Variants in PRKCE observed in about 807,000 individuals in gnomAD.
PRKCE encodes the protein protein kinase C epsilon type.
In PRKCE, 16 loss-of-function variants were observed where a neutral mutation model predicts 85.4. The ratio of observed to expected loss-of-function variants is 0.19; its 90% CI spans 0.13 to 0.28. PRKCE has a LOEUF of 0.28. Ranked by LOEUF, PRKCE falls within the 10% of genes least tolerant of loss-of-function variation. The pLI, the probability that PRKCE is intolerant of heterozygous loss-of-function variation, is 1.00. For missense variants in PRKCE, 573 were observed against 975.2 expected (o/e 0.59, Z 5.49); for synonymous variants, 388 against 371.5 (o/e 1.04, Z -0.51).
At chr2:45,912,477 G>A (rs564313194) in intron 2 of PRKCE, among the ~76,000 whole-genome samples, 40 of 152,260 alleles carry the variant, frequency 2.6e-4, no homozygotes, top group African/African-American at 7.2e-4. Context: ...GGAGTGGGTG[G>A]GGGCTGGGGT....
chr2:45,959,295 G>A (rs1467284402), intron 2 of PRKCE, among the ~76,000 whole-genome samples: 1 of 152,030 alleles, frequency 6.6e-6, no homozygotes, highest in African/African-American at 2.4e-5. Flanking sequence ...ACGCCTTTTT[G>A]AACACTGCAA....
intron 11 of PRKCE, among the ~76,000 whole-genome samples, chr2:46,089,425 C>T (rs1669951501): frequency 6.6e-6 from 1 of 152,206 alleles, no homozygotes; most frequent in South Asian, 2.1e-4. Flanking sequence ...TCTTCACTAG[C>T]TCACTGCCCC....
chr2:45,990,344 G>A (rs528021894), intron 6 of PRKCE, among the ~76,000 whole-genome samples: 5 of 152,338 alleles, frequency 3.3e-5, no homozygotes, highest in South Asian at 2.1e-4. Context: ...GAGGCAATGG[G>A]ACATCTTATC....
chr2:46,086,573 G>C (rs934280746), intron 11 of PRKCE, among the ~76,000 whole-genome samples: 1 of 152,170 alleles, frequency 6.6e-6, no homozygotes, highest in Non-Finnish European at 1.5e-5. Context: ...TTGACCCACT[G>C]TTTGTGCCAG....
At chr2:46,015,901 C>T (rs536260049) in intron 10 of PRKCE, among the ~76,000 whole-genome samples, 255 of 152,198 alleles carry the variant, frequency 1.7e-3, no homozygotes, top group Non-Finnish European at 2.6e-3. Flanking sequence ...GAGTGCTTTT[C>T]GAGAAGAGAT....
chr2:45,794,232 A>C (rs1687244803), intron 1 of PRKCE, among the ~76,000 whole-genome samples: 1 of 152,276 alleles, frequency 6.6e-6, no homozygotes, highest in South Asian at 2.1e-4. Context: ...CGACGTTTTA[A>C]AAAGCGATTG....
At chr2:45,819,245 G>A (rs566607181) in intron 1 of PRKCE, among the ~76,000 whole-genome samples, 2 of 152,206 alleles carry the variant, frequency 1.3e-5, no homozygotes, top group South Asian at 4.1e-4. Context: ...CAGATCAAGA[G>A]TGAGGCACAC....
At chr2:45,772,178 C>T (rs1018904462) in intron 1 of PRKCE, among the ~76,000 whole-genome samples, 1 of 151,692 alleles carries the variant, frequency 6.6e-6, no homozygotes, top group Non-Finnish European at 1.5e-5. Flanking sequence ...TGTGTTTCTT[C>T]TTCATAAAGC....
At chr2:45,991,184 T>C (rs1036559226) in intron 6 of PRKCE, among the ~76,000 whole-genome samples, 1 of 151,722 alleles carries the variant, frequency 6.6e-6, no homozygotes, top group Admixed American at 6.6e-5. Context: ...TTTTTACATT[T>C]TTAGTAGAGA....
intron 1 of PRKCE, among the ~76,000 whole-genome samples, chr2:45,659,273 A>T (rs1403764896): frequency 6.6e-6 from 1 of 152,216 alleles, no homozygotes; most frequent in Non-Finnish European, 1.5e-5. Flanking sequence ...TACCCAGCCA[A>T]AAACCTTGAG....
At chr2:46,135,638 T>A (rs914672587) in intron 11 of PRKCE, among the ~76,000 whole-genome samples, 10 of 151,948 alleles carry the variant, frequency 6.6e-5, no homozygotes, top group African/African-American at 2.4e-4. Context: ...TTGGAGAGAT[T>A]TTCCCTGGAG....
chr2:45,766,875 A>G (rs989967230), intron 1 of PRKCE, among the ~76,000 whole-genome samples: 2 of 152,126 alleles, frequency 1.3e-5, no homozygotes, highest in African/African-American at 2.4e-5. Context: ...CCCCATCTCT[A>G]CTAAAATACA....
chr2:46,187,542 C>G lies in PRKCE; in HGVS notation c.*2661C>G, dbSNP rs576330449. 1 of 152,310 alleles carries G rather than the reference C, an allele frequency of 6.6e-6. No homozygotes were observed. Among genetic ancestry groups the G allele is most frequent in the Non-Finnish European group, 1.5e-5 (1 of 68,002 alleles). The allele number at this position is 152,310 out of a possible 1,614,324, so 9.4% of individuals were successfully genotyped here. On this transcript the variant is annotated 3_prime_UTR_variant, in exon 15 of 15. Transcript: ENST00000306156. ...TTTTCTGATCTTTCCAGCCCCACCCCCTTTCTCTTTCTCTCTCTCTCTCAA... is the reference window on the plus strand; with the variant it reads ...TTTTCTGATCTTTCCAGCCCCACCCGCTTTCTCTTTCTCTCTCTCTCTCAA...
intron 11 of PRKCE, among the ~76,000 whole-genome samples, chr2:46,091,689 A>G (rs1670184340): frequency 6.6e-6 from 1 of 152,176 alleles, no homozygotes; most frequent in Admixed American, 6.5e-5. Context: ...GGATTTCATG[A>G]GTGAATAGGT....
chr2:46,054,334 G>A (rs1391301440), intron 10 of PRKCE, among the ~76,000 whole-genome samples: 4 of 152,194 alleles, frequency 2.6e-5, no homozygotes, highest in African/African-American at 9.7e-5. Context: ...TTTGATAACT[G>A]AGGAAACTAA....
rs1680325789 is a variant in PRKCE, at chr2:46,184,675, TG to T, written c.2068-54del. 5 of 1,577,428 alleles carry T rather than the reference TG, an allele frequency of 3.2e-6. No individual in the cohort carries two copies. Among genetic ancestry groups the T allele is most frequent in the Middle Eastern group, 1.7e-4 (1 of 5,944 alleles). On this transcript the variant is annotated intron_variant, in intron 14 of 14. Coordinates refer to ENST00000306156, the MANE Select transcript of PRKCE (RefSeq NM_005400.3). This position sits in a 1 kb window ranked among gnomAD's most constrained non-coding sequence, Gnocchi z 5.0. ...TGGTCAGTGCGGTGCCCACTCCCCA[TG>T]GGGGGCCCTCAGGAGGGAGAGCAGC...
chr2:45,893,881 C>T (rs1695929185), intron 2 of PRKCE, among the ~76,000 whole-genome samples: 1 of 152,146 alleles, frequency 6.6e-6, no homozygotes, highest in South Asian at 2.1e-4. Flanking sequence ...CTGTGCCAGG[C>T]AGCATATAGG....
chr2:45,910,777 C>G (rs1697327514), intron 2 of PRKCE, among the ~76,000 whole-genome samples: 1 of 152,124 alleles, frequency 6.6e-6, no homozygotes, highest in Non-Finnish European at 1.5e-5. Flanking sequence ...GGGAGAGAAC[C>G]TAGCCAAGGT....
intron 11 of PRKCE, among the ~76,000 whole-genome samples, chr2:46,121,633 A>T (rs1016593005): frequency 1.7e-4 from 26 of 152,192 alleles, no homozygotes; most frequent in Non-Finnish European, 4.4e-5. Context: ...GTGGATGGGA[A>T]TTCTGGGTTG....
Sources: gnomAD v4.1 joint callset for allele counts (sites outside exome capture counted in the v4.1 genomes callset) on GRCh38, gnomAD v4.1.1 for gene constraint, Gnocchi (gnomAD v3.1) non-coding constraint, MANE v1.5 for transcripts, NCBI Gene and HGNC (gene_info 2026-07-23, HGNC 2026-07-21) for gene names.